LAMB1: variants seen among roughly 807,000 people sequenced by gnomAD.
The protein encoded by LAMB1 is laminin subunit beta-1.
LAMB1 carries 121 observed loss-of-function variants against 222.3 expected under a neutral mutation model. The ratio of observed to expected loss-of-function variants is 0.54; its 90% CI spans 0.47 to 0.63. The LOEUF is 0.63. LAMB1 is among the 30% of genes least tolerant of loss of function. The pLI is 0.00. For synonymous variants in LAMB1, 794 were observed against 807.2 expected (o/e 0.98, Z 0.28); for missense variants, 2,172 against 2,240.8 (o/e 0.97, Z 0.62).
At chr7:107,978,194 A>G (rs1443825175) in intron 8 of LAMB1, 27 bp from the exon 9 acceptor site, 2 of 1,610,338 alleles carry the variant, frequency 1.2e-6, no homozygotes, top group African/African-American at 2.7e-5. Context: ...ACAGGAGAGA[A>G]CAAAGGAAGA....
At position 108,001,602 on chromosome 7, in the gene LAMB1, C is replaced by G. The variant is rs1440267576; in HGVS notation, c.169G>C (p.Gly57Arg). Residue 57 changes from glycine (G) to arginine (R), a missense_variant, in exon 3 of 34, where the codon GGG (glycine) becomes CGG (arginine). Physicochemically the swap from Gly to Arg is moderately radical, Grantham distance 125. Coordinates refer to ENST00000222399, the MANE Select transcript of LAMB1 (RefSeq NM_002291.3). Reference protein sequence around the residue: ...AQKLSVTSTCGLHKPEPYCIV... With the variant: ...AQKLSVTSTCRLHKPEPYCIV... ...CAGTAGGGTTCGGGCTTGTGCAGCC[C>G]GCACGTCGAGGTCACCGAAAGCTTC... The G allele has an allele frequency of 6.2e-7, 1 of 1,612,864 alleles. No individual in the cohort carries two copies. Among genetic ancestry groups the G allele is most frequent in the African/African-American group, 1.3e-5 (1 of 75,032 alleles).
At chr7:108,002,408 G>T (rs2150459166) in intron 2 of LAMB1, 2 of 1,314,430 alleles carry the variant, frequency 1.5e-6, no homozygotes, top group South Asian at 1.2e-5. Flanking sequence ...GAGACAAACA[G>T]AGATGGTTAA....
intron 2 of LAMB1, 156 bp from the exon 3 acceptor site, chr7:108,001,889 C>G: frequency 6.8e-7 from 1 of 1,471,442 alleles, no homozygotes; most frequent in Non-Finnish European, 9.0e-7. Flanking sequence ...GAGATGAGCG[C>G]AGGAGAGGCT....
intron 25 of LAMB1, among the ~76,000 whole-genome samples, chr7:107,938,647 C>T (rs1162120939): frequency 2.0e-5 from 3 of 152,092 alleles, no homozygotes; most frequent in African/African-American, 4.8e-5. Context: ...TTTTTTCTTC[C>T]TCCCAGAGAT....
At chr7:107,964,289 G>A (rs2033578770) in intron 14 of LAMB1, among the ~76,000 whole-genome samples, 1 of 152,174 alleles carries the variant, frequency 6.6e-6, no homozygotes, top group Non-Finnish European at 1.5e-5. Context: ...CATAAGTAGA[G>A]AGAAGAAAAG....
Position 107,955,613 on chromosome 7 carries a change from T to C in LAMB1, c.2708A>G (p.Tyr903Cys). The change falls in exon 21 of 34, where the codon TAT (tyrosine) becomes TGT (cysteine). Residue 903 changes from tyrosine (Y) to cysteine (C), a missense_variant. Physicochemically the swap from Tyr to Cys is radical, Grantham distance 194. Coordinates refer to ENST00000222399, the MANE Select transcript of LAMB1 (RefSeq NM_002291.3). ...HNCERCLAGYYGDPIIGSGDH... is the reference protein window; with the variant it reads ...HNCERCLAGYCGDPIIGSGDH... ...TCCTGACCCAATGATGGGGTCGCCATAGTAACCAGCCAAGCACCTGCATCA... is the reference window on the plus strand; with the variant it reads ...TCCTGACCCAATGATGGGGTCGCCACAGTAACCAGCCAAGCACCTGCATCA... 1.9e-6 allele frequency: 3 copies of C among 1,613,250 alleles called. No individual in the cohort carries two copies. In the South Asian group the frequency reaches 3.3e-5, roughly 18 times the overall value.
chr7:107,965,187 G>T (rs961803377), intron 13 of LAMB1, among the ~76,000 whole-genome samples: 1 of 152,176 alleles, frequency 6.6e-6, no homozygotes, highest in Non-Finnish European at 1.5e-5. Flanking sequence ...TTCTTCTCCA[G>T]ATTCTTTCTT....
chr7:107,937,140 T>G lies in LAMB1; in HGVS notation c.3899A>C (p.Lys1300Thr). The change falls in exon 26 of 34, where the codon AAA (lysine) becomes ACA (threonine). Residue 1300 changes from lysine (K) to threonine (T), a missense_variant. Coordinates refer to ENST00000222399, the MANE Select transcript of LAMB1 (RefSeq NM_002291.3). ...TEAESLDNTV[K>T]ELAEQLEFIK... ...AAATTCCAGTTGTTCAGCAAGTTCT[T>G]TCACAGTGTTGTCTAGGCTTTCGGC... The G allele has an allele frequency of 6.2e-7, 1 of 1,614,050 alleles. No individual in the cohort carries two copies. Among genetic ancestry groups the G allele is most frequent in the Non-Finnish European group, 8.5e-7 (1 of 1,179,960 alleles).
intron 24 of LAMB1, chr7:107,940,671 A>G: frequency 3.5e-6 from 1 of 283,308 alleles, no homozygotes; most frequent in Middle Eastern, 1.1e-3. Flanking sequence ...GTGGGAACTC[A>G]GAGATCAGAG....
At position 107,959,563 on chromosome 7, in the gene LAMB1, A is replaced by T. The variant is rs760900743; in HGVS notation, c.2459-83T>A. 5 of 1,606,956 alleles carry T rather than the reference A, an allele frequency of 3.1e-6. No individual in the cohort carries two copies. In the Admixed American group the frequency reaches 8.5e-5, roughly 27 times the overall value. ...TCCTTTTATAAGCACCCTGTCCCCA[A>T]TTCAGAATGCTCATGGGTTGGTGTG... is the stretch of plus-strand genomic sequence containing the variant. On this transcript the variant is annotated intron_variant, in intron 19 of 33. Transcript: ENST00000222399.
chr7:107,937,162 C>T lies in LAMB1; in HGVS notation c.3877G>A (p.Glu1293Lys), dbSNP rs149040384. Residue 1293 changes from glutamate to lysine, a missense_variant, in exon 26 of 34, where the codon GAA becomes AAA. Transcript: ENST00000222399. The stretch of plus-strand genomic sequence containing the variant: ...TCTTTCACAGTGTTGTCTAGGCTTT[C>T]GGCTTCTGTCTGTAGAGAATCCAGT... ...KELDSLQTEA[E>K]SLDNTVKELA... The T allele has an allele frequency of 1.4e-5, 23 of 1,613,966 alleles. No individual in the cohort carries two copies. Among genetic ancestry groups the T allele is most frequent in the East Asian group, 1.1e-4 (5 of 44,890 alleles).
chr7:108,002,776 G>C, intron 2 of LAMB1, 73 bp downstream of exon 2: 2 of 1,602,476 alleles, frequency 1.2e-6, no homozygotes, highest in African/African-American at 2.7e-5. Flanking sequence ...ACGAAGGTGA[G>C]CAAGCAGCTT....
At chr7:107,950,082 T>A (rs901469212) in intron 24 of LAMB1, among the ~76,000 whole-genome samples, 2 of 152,020 alleles carry the variant, frequency 1.3e-5, no homozygotes, top group African/African-American at 4.8e-5. Flanking sequence ...ATACAAAAAT[T>A]AGCCGGGCGT....
At chr7:107,936,862 A>T (rs2032859899) in intron 26 of LAMB1, among the ~76,000 whole-genome samples, 1 of 152,104 alleles carries the variant, frequency 6.6e-6, no homozygotes, top group Admixed American at 6.6e-5. Context: ...TTCTGATACA[A>T]CTACTGCCAT....
intron 31 of LAMB1, 69 bp downstream of exon 31, chr7:107,928,995 C>T (rs1562972885): frequency 3.5e-6 from 5 of 1,440,720 alleles, no homozygotes; most frequent in Admixed American, 1.8e-5. Context: ...TCATAGATAA[C>T]AAATGTACTT....
chr7:107,935,246 AC>A (rs1562976371), intron 27 of LAMB1, 168 bp downstream of exon 27: 2 of 937,356 alleles, frequency 2.1e-6, no homozygotes, highest in African/African-American at 3.3e-5. Context: ...GGTTACAGAT[AC>A]CCCATTCCAG....
At chr7:107,999,986 A>C (rs1486046604) in intron 3 of LAMB1, 1 of 152,132 alleles carries the variant, frequency 6.6e-6, no homozygotes, top group African/African-American at 2.4e-5. Flanking sequence ...TAGTCTTTCC[A>C]GTTGCTTTTA....
chr7:107,982,931 A>G (rs2034001774), intron 7 of LAMB1, among the ~76,000 whole-genome samples: 1 of 152,210 alleles, frequency 6.6e-6, no homozygotes, highest in African/African-American at 2.4e-5. Flanking sequence ...CAAAATTATA[A>G]AGACAACACA....
At chr7:108,000,490 C>T (rs1032280643) in intron 3 of LAMB1, among the ~76,000 whole-genome samples, 3 of 152,184 alleles carry the variant, frequency 2.0e-5, no homozygotes, top group Admixed American at 2.0e-4. Context: ...GAACTTGCCC[C>T]GAATGTGAAA....
Sources: gnomAD v4.1 joint callset for allele counts (sites outside exome capture counted in the v4.1 genomes callset) on GRCh38, gnomAD v4.1.1 for gene constraint, MANE v1.5 for transcripts, NCBI Gene and HGNC (gene_info 2026-07-23, HGNC 2026-07-21) for gene names.